The following MTMR7 variants were observed in gnomAD, a reference collection of about 807,000 sequenced individuals.
MTMR7 encodes the protein myotubularin related protein 7.
Under a neutral mutation model 81.2 loss-of-function variants are expected in MTMR7, and 76 were observed. The observed-to-expected ratio is 0.94, with a 90% CI of 0.78 to 1.13. MTMR7 has a LOEUF of 1.13. MTMR7 is among the 50% of genes most tolerant of loss of function. The probability of loss-of-function intolerance (pLI) is 0.00; values close to 1 mark genes in which losing one functional copy is unlikely to be tolerated. For synonymous variants in MTMR7, 372 were observed against 289.8 expected (o/e 1.28, Z -2.88); for missense variants, 1,044 against 820.0 (o/e 1.27, Z -3.34).
chr8:17,371,176 G>A lies in MTMR7; in HGVS notation c.171C>T (p.Thr57=), dbSNP rs967815744. ...ETWILHSQIS[T]IEKQATTATG... ...TAGCGGTTGTTGCCTGTTTCTCAAT[G>A]GTGGAAATCTGACTGTGAAGAATCT... The change falls in exon 3 of 14, where the codon ACC becomes ACT. Residue 57 remains threonine (T), a synonymous_variant. Transcript: ENST00000180173. 1.2e-5 allele frequency: 19 copies of A among 1,613,970 alleles called. No individual in the cohort carries two copies. Among genetic ancestry groups the A allele is most frequent in the East Asian group, 2.2e-5 (1 of 44,890 alleles).
chr8:17,397,003 G>A (rs1212961662), intron 1 of MTMR7, among the ~76,000 whole-genome samples: 1 of 151,958 alleles, frequency 6.6e-6, no homozygotes, highest in Non-Finnish European at 1.5e-5. Flanking sequence ...TGGAAGAGAA[G>A]AACCCAGTCC....
At chr8:17,366,512 G>T (rs1820227867) in intron 3 of MTMR7, among the ~76,000 whole-genome samples, 1 of 152,186 alleles carries the variant, frequency 6.6e-6, no homozygotes, top group Non-Finnish European at 1.5e-5. Flanking sequence ...ACAGAGATGT[G>T]AGCATTTTTT....
chr8:17,343,299 A>G (rs1311728973), intron 5 of MTMR7, among the ~76,000 whole-genome samples: 2 of 152,142 alleles, frequency 1.3e-5, no homozygotes, highest in Non-Finnish European at 2.9e-5. Flanking sequence ...GCATGGTGGT[A>G]CACACATGCA....
At chr8:17,322,809 A>G (rs1818467617) in intron 7 of MTMR7, among the ~76,000 whole-genome samples, 2 of 148,758 alleles carry the variant, frequency 1.3e-5, no homozygotes, top group African/African-American at 4.8e-5. Flanking sequence ...TGGACAACAC[A>G]GGGAGACCCT....
intron 7 of MTMR7, among the ~76,000 whole-genome samples, chr8:17,330,359 A>G (rs1236530793): frequency 6.6e-6 from 1 of 152,204 alleles, no homozygotes; most frequent in Admixed American, 6.5e-5. Flanking sequence ...CAGTGCATGG[A>G]CAGCCAAGGC....
In MTMR7 at chr8:17,331,166, CA is replaced by C; in HGVS notation, c.848del (p.Leu283ArgfsTer15). 6.2e-7 allele frequency: 1 copy of C among 1,610,970 alleles called. No homozygotes were observed. ...ATGGTTTACCTTCCAGCATTTTCTG[CA>C]GACTGTTCCTCATGACATGGATGTT... Reference protein sequence around the residue: ...IENIHVMRNSLQKMLEVCELK... With the variant: ...IENIHVMRNSXQKMLEVCELK... On this transcript the variant is annotated frameshift_variant, in exon 7 of 14. Transcript: ENST00000180173. LOFTEE classifies it high-confidence loss of function.
At chr8:17,407,050 A>G (rs1313891713) in intron 1 of MTMR7, among the ~76,000 whole-genome samples, 1 of 152,108 alleles carries the variant, frequency 6.6e-6, no homozygotes, top group African/African-American at 2.4e-5. Flanking sequence ...ATGGTGGTAC[A>G]ACTCTGTGAA....
intron 6 of MTMR7, 73 bp downstream of exon 6, chr8:17,341,290 G>A: frequency 5.1e-6 from 8 of 1,579,544 alleles, no homozygotes; most frequent in Non-Finnish European, 6.9e-6. Context: ...AGAGATGGCA[G>A]TCGGCTAGCC....
At position 17,300,054 on chromosome 8, in the gene MTMR7, G is replaced by T. The variant is rs111589936; in HGVS notation, c.1791C>A (p.Gly597=). 3 of 1,614,066 alleles carry T rather than the reference G, an allele frequency of 1.9e-6. No homozygotes were observed. Among genetic ancestry groups the T allele is most frequent in the Non-Finnish European group, 8.5e-7 (1 of 1,179,990 alleles). The change falls in exon 14 of 14, where the codon GGC becomes GGA. Residue 597 remains glycine, a synonymous_variant. Transcript: ENST00000180173. ...TTAGAATCAGAGCAGAATCTTCATC[G>T]CCTTGTGAAGGGCTCCGGGATGGAA... is the stretch of plus-strand genomic sequence containing the variant. The part of the protein sequence containing the change: ...KSFPSRSPSQ[G]DEDSALILTQ...
intron 6 of MTMR7, among the ~76,000 whole-genome samples, chr8:17,334,530 C>T (rs530973879): frequency 8.1e-4 from 124 of 152,246 alleles, no homozygotes; most frequent in Non-Finnish European, 1.4e-3. Context: ...AGTAGGACTG[C>T]AAAAATACCC....
intron 3 of MTMR7, among the ~76,000 whole-genome samples, chr8:17,368,678 A>T (rs739338): frequency 0.35 from 53,400 of 152,040 alleles, 11,942 homozygotes; most frequent in East Asian, 0.71. Context: ...AATGTTAGCA[A>T]TGCCTTTAAC....
chr8:17,329,925 G>T (rs1266556701), intron 7 of MTMR7, among the ~76,000 whole-genome samples: 1 of 152,116 alleles, frequency 6.6e-6, no homozygotes, highest in African/African-American at 2.4e-5. Context: ...AATGGCTCTG[G>T]GGCTGAGATG....
intron 1 of MTMR7, among the ~76,000 whole-genome samples, chr8:17,393,216 C>G (rs1037820250): frequency 2.6e-5 from 4 of 152,164 alleles, no homozygotes; most frequent in African/African-American, 9.7e-5. Context: ...GACAACTGGA[C>G]TTCCACATGC....
chr8:17,351,461 T>C (rs910144120), intron 4 of MTMR7, among the ~76,000 whole-genome samples: 5 of 152,208 alleles, frequency 3.3e-5, no homozygotes, highest in Non-Finnish European at 7.3e-5. Flanking sequence ...CTCAGGGCCC[T>C]CTTGATTCAC....
Position 17,312,900 on chromosome 8 carries a change from C to T in MTMR7, c.975+392G>A, listed in dbSNP as rs369593734. ...TTTTCCTATGGCGGAATGGACTCTA[C>T]CTTCCAGCTACAGGAACATGACTTT... On this transcript the variant is annotated intron_variant, in intron 8 of 13. Transcript: ENST00000180173. 3.3e-5 allele frequency among the ~76,000 whole-genome samples: 5 copies of T among 152,260 alleles called. No individual in the cohort carries two copies. The East Asian group carries it at 7.7e-4, about 23-fold the overall frequency.
At chr8:17,335,920 T>A (rs1586213521) in intron 6 of MTMR7, among the ~76,000 whole-genome samples, 2 of 152,122 alleles carry the variant, frequency 1.3e-5, no homozygotes, top group Non-Finnish European at 2.9e-5. Flanking sequence ...TGCTGAGGGG[T>A]TTGCTCCGGC....
At chr8:17,341,606 C>G in intron 5 of MTMR7, 109 bp from the exon 6 acceptor site, 1 of 1,353,146 alleles carries the variant, frequency 7.4e-7, no homozygotes, top group South Asian at 1.4e-5. Context: ...GATAGTCCAC[C>G]TCGGCTTATG....
rs10435696 is a variant in MTMR7, at chr8:17,376,381, A to G, written c.25-3141T>C. Among the ~76,000 whole-genome samples the G allele has an allele frequency of 6.7e-3, 1,017 of 152,348 alleles. 51 individuals are homozygous for G. The South Asian group carries it at 0.11, about 17-fold the overall frequency. ...TGCATCTACCTTTTGACTACCAGGAATAATGCTGCTATGTACTTTTGAGCA... is the reference window on the plus strand; with the variant it reads ...TGCATCTACCTTTTGACTACCAGGAGTAATGCTGCTATGTACTTTTGAGCA... On this transcript the variant is annotated intron_variant, in intron 1 of 13. Transcript: ENST00000180173.
At chr8:17,305,653 G>T in intron 11 of MTMR7, 104 bp downstream of exon 11, 3 of 956,396 alleles carry the variant, frequency 3.1e-6, no homozygotes, top group Admixed American at 2.3e-5. Context: ...ATAGGTATGT[G>T]ACTAAATGAA....
Sources: allele counts gnomAD v4.1 joint callset (sites outside exome capture counted in the v4.1 genomes callset), GRCh38; gene constraint gnomAD v4.1.1; transcripts MANE v1.5; gene names NCBI Gene and HGNC (gene_info 2026-07-23, HGNC 2026-07-21).